EVL: variants seen among roughly 807,000 people sequenced by gnomAD.
EVL encodes the protein ena/VASP-like protein.
EVL carries 21 observed loss-of-function variants against 59.6 expected under a neutral mutation model. The observed-to-expected ratio is 0.35, with a 90% CI of 0.25 to 0.51. The LOEUF (loss-of-function observed/expected upper bound fraction) is 0.51. Among genes scored for constraint, EVL ranks in the 20% least tolerant of loss-of-function variants. The pLI, the probability that EVL is intolerant of heterozygous loss-of-function variation, is 0.97. For synonymous variants in EVL, 198 were observed against 203.5 expected (o/e 0.97, Z 0.23); for missense variants, 462 against 546.6 (o/e 0.85, Z 1.54).
intron 8 of EVL, among the ~76,000 whole-genome samples, chr14:100,133,726 T>G (rs1326138351): frequency 6.6e-6 from 1 of 152,012 alleles, no homozygotes; most frequent in Non-Finnish European, 1.5e-5. Context: ...TCACCTGAGG[T>G]CAGGAGTTTG....
chr14:100,028,600 C>CA (rs1739408044), intron 1 of EVL, among the ~76,000 whole-genome samples: 1 of 152,068 alleles, frequency 6.6e-6, no homozygotes, highest in African/African-American at 2.4e-5. Flanking sequence ...ATCATGAGGT[C>CA]AAGAGATCAG....
At chr14:99,995,655 G>T (rs2060908383) in intron 1 of EVL, among the ~76,000 whole-genome samples, 1 of 151,890 alleles carries the variant, frequency 6.6e-6, no homozygotes, top group Non-Finnish European at 1.5e-5. Flanking sequence ...CTGTTTCTTT[G>T]TATACCTTAT....
chr14:99,991,128 C>T (rs867084268), intron 1 of EVL, among the ~76,000 whole-genome samples: 16 of 152,164 alleles, frequency 1.1e-4, no homozygotes, highest in African/African-American at 3.9e-4. Context: ...TCTTCAGCCT[C>T]TCAACACAAA....
At chr14:100,004,020 A>G (rs1485772503) in intron 1 of EVL, among the ~76,000 whole-genome samples, 1 of 152,250 alleles carries the variant, frequency 6.6e-6, no homozygotes, top group Non-Finnish European at 1.5e-5. Flanking sequence ...CCAGGCCAAC[A>G]TGGCGAAAGC....
At chr14:100,046,889 A>G (rs2061556963) in intron 1 of EVL, among the ~76,000 whole-genome samples, 1 of 150,228 alleles carries the variant, frequency 6.7e-6, no homozygotes, top group Non-Finnish European at 1.5e-5. Flanking sequence ...AGTAGCTGGG[A>G]CTACAGGTGC....
intron 1 of EVL, chr14:100,074,864 G>A (rs1190970): frequency 6.5e-6 from 1 of 153,214 alleles, no homozygotes; most frequent in Non-Finnish European, 1.5e-5. Flanking sequence ...AGAAGTCTGT[G>A]GCAAGAGCAG....
intron 1 of EVL, among the ~76,000 whole-genome samples, chr14:100,071,633 TC>T (rs2062050524): frequency 6.6e-6 from 1 of 152,208 alleles, no homozygotes; most frequent in Admixed American, 6.5e-5. Context: ...GTAAAGGGGT[TC>T]TCTTGACCAA....
intron 1 of EVL, among the ~76,000 whole-genome samples, chr14:100,043,210 A>G (rs549364315): frequency 6.6e-6 from 1 of 152,020 alleles, no homozygotes; most frequent in African/African-American, 2.4e-5. Flanking sequence ...GAGTACCAAT[A>G]GGAGATAGAT....
At chr14:99,976,180 T>TTTTTTTTA (rs2060768987) in intron 1 of EVL, among the ~76,000 whole-genome samples, 1 of 145,744 alleles carries the variant, frequency 6.9e-6, no homozygotes, top group African/African-American at 2.6e-5. Context: ...CATGGCCAGC[T>TTTTTTTTA]TTTATTTATT....
intron 3 of EVL, chr14:100,106,005 C>T (rs117238045): frequency 6.6e-6 from 1 of 152,364 alleles, no homozygotes; most frequent in East Asian, 1.9e-4. Flanking sequence ...GCTTTAGTTA[C>T]GTTTTGTCTT....
intron 1 of EVL, among the ~76,000 whole-genome samples, chr14:99,973,861 G>A (rs2140164900): frequency 6.6e-6 from 1 of 152,246 alleles, no homozygotes; most frequent in East Asian, 1.9e-4. Context: ...TGTGAAAAAG[G>A]GGTTAAATTT....
At position 100,108,699 on chromosome 14, in the gene EVL, A is replaced by G. The variant is rs993660242; in HGVS notation, c.358+11041A>G. On this transcript the variant is annotated intron_variant, in intron 3 of 13. Coordinates refer to ENST00000392920, the MANE Select transcript of EVL (RefSeq NM_016337.3). The surrounding 1 kb of genome is among the most constrained non-coding windows in gnomAD (Gnocchi z 4.1). Reference sequence around the variant, plus strand: ...CCCTCTCACTTTTCCCCACACTTCTAAAATCTCACTCGTCCTGTCAGAATG... The same window carrying G: ...CCCTCTCACTTTTCCCCACACTTCTGAAATCTCACTCGTCCTGTCAGAATG... Among the ~76,000 whole-genome samples, 1 of 151,890 alleles carries G rather than the reference A, an allele frequency of 6.6e-6. No homozygotes were observed. The highest frequency in any genetic ancestry group is 2.4e-5 in the African/African-American group (1 of 41,314).
chr14:99,974,787 G>A (rs566587460), intron 1 of EVL: 6 of 152,452 alleles, frequency 3.9e-5, no homozygotes, highest in South Asian at 2.1e-4. Flanking sequence ...CACCCAGACC[G>A]ACATGGATAT....
intron 3 of EVL, among the ~76,000 whole-genome samples, chr14:100,115,324 G>A (rs540852555): frequency 2.0e-5 from 3 of 152,196 alleles, no homozygotes; most frequent in Non-Finnish European, 4.4e-5. Flanking sequence ...GCTTGGGCAA[G>A]CCCCTGCCCT....
At chr14:100,077,977 G>T (rs189022679) in intron 1 of EVL, among the ~76,000 whole-genome samples, 1 of 151,884 alleles carries the variant, frequency 6.6e-6, no homozygotes, top group Non-Finnish European at 1.5e-5. Flanking sequence ...GGGTTTCACC[G>T]GTTAGCCAGG....
At chr14:100,057,659 G>A (rs1053201516) in intron 1 of EVL, among the ~76,000 whole-genome samples, 6 of 152,186 alleles carry the variant, frequency 3.9e-5, no homozygotes, top group Admixed American at 6.5e-5. Context: ...TTAGCGTCTT[G>A]TGGCTGGCTG....
chr14:100,018,650 A>C (rs912099778), intron 1 of EVL, among the ~76,000 whole-genome samples: 1 of 152,266 alleles, frequency 6.6e-6, no homozygotes, highest in Admixed American at 6.5e-5. Flanking sequence ...GCTTCAGGCC[A>C]CCTTTTCCAG....
intron 1 of EVL, among the ~76,000 whole-genome samples, chr14:100,005,628 A>AAC (rs1312774210): frequency 8.3e-6 from 1 of 120,726 alleles, no homozygotes; most frequent in Non-Finnish European, 1.7e-5. Context: ...AGGCCTTTTA[A>AAC]ATACACACAC....
At chr14:100,016,356 C>T (rs2061050078) in intron 1 of EVL, among the ~76,000 whole-genome samples, 1 of 152,142 alleles carries the variant, frequency 6.6e-6, no homozygotes, top group South Asian at 2.1e-4. Context: ...TGGTGAAACC[C>T]CGTCTCTACT....
Sources: allele counts gnomAD v4.1 joint callset (sites outside exome capture counted in the v4.1 genomes callset), GRCh38; gene constraint gnomAD v4.1.1; non-coding constraint Gnocchi (gnomAD v3.1); transcripts MANE v1.5; gene names NCBI Gene and HGNC (gene_info 2026-07-23, HGNC 2026-07-21).